The following VSTM4 variants were observed in gnomAD, a reference collection of about 807,000 sequenced individuals.
The protein encoded by VSTM4 is V-set and transmembrane domain-containing protein 4.
In VSTM4, 20 loss-of-function variants were observed where a neutral mutation model predicts 36.4. The ratio of observed to expected loss-of-function variants is 0.55; its 90% confidence interval spans 0.39 to 0.80. VSTM4 has a LOEUF of 0.80. Ranked by LOEUF, VSTM4 falls within the 30% of genes least tolerant of loss-of-function variation. The probability of loss-of-function intolerance (pLI) is 0.00; values close to 1 mark genes in which losing one functional copy is unlikely to be tolerated. For missense variants in VSTM4, 392 were observed against 404.5 expected, an observed-to-expected ratio of 0.97 and a Z score of 0.26; for synonymous variants, 182 against 173.9, an observed-to-expected ratio of 1.05 and a Z score of -0.37.
intron 7 of VSTM4, 143 bp downstream of exon 7, chr10:49,046,840 T>A: frequency 1.3e-6 from 1 of 799,354 alleles, no homozygotes; most frequent in Non-Finnish European, 2.1e-6. Context: ...AAAGCTGGCA[T>A]CTGAGAATAG....
At chr10:49,038,717 C>A (rs1323610167) in intron 7 of VSTM4, among the ~76,000 whole-genome samples, 3 of 152,080 alleles carry the variant, frequency 2.0e-5, no homozygotes, top group South Asian at 2.1e-4. Flanking sequence ...TATGTCATGG[C>A]GGATTTGAGG....
At chr10:49,085,336 G>C (rs919005604) in intron 3 of VSTM4, among the ~76,000 whole-genome samples, 3 of 152,346 alleles carry the variant, frequency 2.0e-5, no homozygotes, top group Admixed American at 6.5e-5. Context: ...TAGAGATGTG[G>C]TCCAGGCATT....
chr10:49,101,134 A>G (rs1420265259), intron 2 of VSTM4, among the ~76,000 whole-genome samples: 1 of 152,164 alleles, frequency 6.6e-6, no homozygotes, highest in Non-Finnish European at 1.5e-5. Context: ...CCAAGATTCG[A>G]TACAAAACCA....
chr10:49,078,230 G>C (rs187655318), intron 3 of VSTM4, among the ~76,000 whole-genome samples: 62 of 152,330 alleles, frequency 4.1e-4, no homozygotes, highest in Non-Finnish European at 7.3e-4. Flanking sequence ...AAGAGGCTCA[G>C]CCACTCTAGA....
At chr10:49,057,797 G>A (rs1843807529) in intron 5 of VSTM4, among the ~76,000 whole-genome samples, 1 of 152,184 alleles carries the variant, frequency 6.6e-6, no homozygotes, top group Non-Finnish European at 1.5e-5. Context: ...TGGGCAGAGG[G>A]AGGGCACAAG....
intron 5 of VSTM4, among the ~76,000 whole-genome samples, chr10:49,058,844 G>A (rs986965474): frequency 6.6e-6 from 1 of 152,096 alleles, no homozygotes; most frequent in Non-Finnish European, 1.5e-5. Flanking sequence ...TCCTGACCCT[G>A]TGCTTTTTGT....
chr10:49,083,092 G>A (rs540061987), intron 3 of VSTM4, among the ~76,000 whole-genome samples: 10 of 152,314 alleles, frequency 6.6e-5, no homozygotes, highest in South Asian at 6.2e-4. Flanking sequence ...CAGGAACCCC[G>A]CTCTCCCCTG....
At chr10:49,059,754 G>T (rs1843843002) in intron 5 of VSTM4, among the ~76,000 whole-genome samples, 1 of 152,052 alleles carries the variant, frequency 6.6e-6, no homozygotes, top group Admixed American at 6.5e-5. Flanking sequence ...ACCATAAAAT[G>T]TACTGATCAC....
rs1280541972 is a variant in VSTM4, at chr10:49,033,779, A to G, written c.837+13204T>C. Among the ~76,000 whole-genome samples, 8 of 152,222 alleles carry G rather than the reference A, an allele frequency of 5.3e-5. No individual in the cohort carries two copies. The South Asian group carries it at 6.2e-4, about 12-fold the overall frequency. On this transcript the variant is annotated intron_variant, in intron 7 of 7. Coordinates refer to ENST00000332853, the MANE Select transcript of VSTM4 (RefSeq NM_001031746.5). ...CTAACTCATCTGTGAAATGGAGACA[A>G]TAAGAGTTGTCTCAAAGTTAAAGGA...
intron 7 of VSTM4, among the ~76,000 whole-genome samples, chr10:49,027,898 A>G (rs1351855294): frequency 2.0e-5 from 3 of 152,168 alleles, no homozygotes; most frequent in Non-Finnish European, 2.9e-5. Flanking sequence ...TAAACGTTCA[A>G]ATATAGGTTT....
chr10:49,079,408 A>G (rs1844238969), intron 3 of VSTM4, among the ~76,000 whole-genome samples: 1 of 152,216 alleles, frequency 6.6e-6, no homozygotes, highest in Non-Finnish European at 1.5e-5. Flanking sequence ...AATCAACGTT[A>G]TCATTAGTCT....
intron 2 of VSTM4, among the ~76,000 whole-genome samples, chr10:49,106,640 G>A (rs1844787726): frequency 6.6e-6 from 1 of 152,150 alleles, no homozygotes; most frequent in South Asian, 2.1e-4. Context: ...CTGCTCCCAG[G>A]CCTGACGACT....
At position 49,049,866 on chromosome 10, in the gene VSTM4, C is replaced by T. The variant is rs952790295; in HGVS notation, c.669-1282G>A. On this transcript the variant is annotated intron_variant, in intron 5 of 7. Coordinates refer to ENST00000332853, the MANE Select transcript of VSTM4 (RefSeq NM_001031746.5). ...AAAGTATTGCTGGCAGCAGCGTGAT[C>T]TTTCCTGATGGAGAATGATTTCGTA... Among the ~76,000 whole-genome samples the T allele has an allele frequency of 5.3e-5, 8 of 152,206 alleles. No homozygotes were observed. In the South Asian group the frequency reaches 1.2e-3, roughly 24 times the overall value.
intron 5 of VSTM4, among the ~76,000 whole-genome samples, chr10:49,048,793 A>G (rs1362491044): frequency 1.3e-5 from 2 of 152,230 alleles, no homozygotes; most frequent in African/African-American, 4.8e-5. Context: ...GGCCAAGATA[A>G]GAAGGATGAG....
At chr10:49,083,896 T>C (rs1844324447) in intron 3 of VSTM4, among the ~76,000 whole-genome samples, 1 of 152,208 alleles carries the variant, frequency 6.6e-6, no homozygotes, top group East Asian at 1.9e-4. Context: ...CTCTGATCCC[T>C]TCCTAATGTT....
intron 5 of VSTM4, among the ~76,000 whole-genome samples, chr10:49,052,468 C>A (rs1335663349): frequency 8.0e-6 from 1 of 125,770 alleles, no homozygotes; most frequent in African/African-American, 2.8e-5. Context: ...TTAGGATTTT[C>A]TTGATTTCTG....
At chr10:49,102,871 G>T in intron 2 of VSTM4, 3 of 526,554 alleles carry the variant, frequency 5.7e-6, no homozygotes, top group Non-Finnish European at 7.3e-6. Context: ...GATTGTGTTA[G>T]TCTGGGATCC....
At chr10:49,042,151 T>C (rs765274055) in intron 7 of VSTM4, among the ~76,000 whole-genome samples, 22 of 152,172 alleles carry the variant, frequency 1.4e-4, no homozygotes, top group African/African-American at 3.6e-4. Flanking sequence ...GGAGACTGAA[T>C]GTAACAGGTG....
intron 7 of VSTM4, among the ~76,000 whole-genome samples, chr10:49,027,331 C>T (rs957672609): frequency 1.3e-5 from 2 of 152,182 alleles, no homozygotes; most frequent in African/African-American, 2.4e-5. Flanking sequence ...GTGTGCCAGG[C>T]CCCCCACGCT....
Sources: allele counts gnomAD v4.1 joint callset (sites outside exome capture counted in the v4.1 genomes callset), GRCh38; gene constraint gnomAD v4.1.1; transcripts MANE v1.5; gene names NCBI Gene and HGNC (gene_info 2026-07-23, HGNC 2026-07-21).